SLC28A1: variants seen among roughly 807,000 people sequenced by gnomAD.
The protein encoded by SLC28A1 is solute carrier family 28 member 1.
In SLC28A1, 64 loss-of-function variants were observed where a neutral mutation model predicts 74.8. The ratio of observed to expected loss-of-function variants is 0.86; its 90% CI spans 0.70 to 1.05. The LOEUF is 1.05. Ranked by LOEUF, SLC28A1 falls within the 50% of genes least tolerant of loss-of-function variation. The probability of loss-of-function intolerance (pLI) is 0.00; values close to 1 mark genes in which losing one functional copy is unlikely to be tolerated. For synonymous variants in SLC28A1, 359 were observed against 335.0 expected, an observed-to-expected ratio of 1.07 and a Z score of -0.78; for missense variants, 828 against 822.8, an observed-to-expected ratio of 1.01 and a Z score of -0.08.
At chr15:84,924,733 C>T (rs189533643) in intron 12 of SLC28A1, among the ~76,000 whole-genome samples, 184 of 152,346 alleles carry the variant, frequency 1.2e-3, no homozygotes, top group African/African-American at 4.4e-3. Context: ...ATTCATAAAA[C>T]ACCTTATGCT....
chr15:84,900,299 C>T (rs1157281494), intron 6 of SLC28A1, among the ~76,000 whole-genome samples: 1 of 150,310 alleles, frequency 6.7e-6, no homozygotes, highest in African/African-American at 2.5e-5. Context: ...CACTGCACTC[C>T]AGCCTGGGAG....
At chr15:84,912,686 G>T (rs974608772) in intron 9 of SLC28A1, among the ~76,000 whole-genome samples, 2 of 152,126 alleles carry the variant, frequency 1.3e-5, no homozygotes, top group African/African-American at 4.8e-5. Context: ...GTGCTGCTCA[G>T]ATTTTCTCTG....
At chr15:84,951,303 G>A in the SLC28A1 span, among the ~76,000 whole-genome samples, 1 of 152,040 alleles carries the variant, frequency 6.6e-6, no homozygotes, top group East Asian at 1.9e-4. Context: ...TGGGAATGGT[G>A]GTGGGCACCT....
At chr15:84,904,039 T>A in intron 6 of SLC28A1, 58 bp from the exon 7 acceptor site, 1 of 1,611,712 alleles carries the variant, frequency 6.2e-7, no homozygotes, top group Non-Finnish European at 8.5e-7. Flanking sequence ...TGCTATTGTG[T>A]GTGGGTGGGG....
At chr15:84,944,901 C>A in intron 18 of SLC28A1, 34 bp downstream of exon 18, 1 of 1,447,466 alleles carries the variant, frequency 6.9e-7, no homozygotes, top group Non-Finnish European at 9.7e-7. Context: ...TGCAGGGCAC[C>A]CACAGTGATA....
At chr15:84,925,300 T>C (rs1340492529) in intron 12 of SLC28A1, among the ~76,000 whole-genome samples, 1 of 151,922 alleles carries the variant, frequency 6.6e-6, no homozygotes, top group African/African-American at 2.4e-5. Context: ...ACCTGCGAAC[T>C]TGTTAGAAAT....
At chr15:84,922,275 G>A (rs989043198) in intron 11 of SLC28A1, among the ~76,000 whole-genome samples, 7 of 152,120 alleles carry the variant, frequency 4.6e-5, no homozygotes, top group South Asian at 2.1e-4. Context: ...CCCCTTGACC[G>A]TCCACTTGGA....
At chr15:84,920,899 A>T in intron 10 of SLC28A1, 90 bp from the exon 11 acceptor site, 3 of 1,004,662 alleles carry the variant, frequency 3.0e-6, no homozygotes, top group Non-Finnish European at 4.8e-6. Flanking sequence ...GGGAGTTGGG[A>T]GGAAACTGTG....
the SLC28A1 span, among the ~76,000 whole-genome samples, chr15:84,966,347 G>A: frequency 1.3e-5 from 2 of 152,136 alleles, no homozygotes; most frequent in Admixed American, 1.3e-4. Context: ...GATTACAGGT[G>A]TGAGCCACTG....
chr15:84,940,968 G>C, intron 15 of SLC28A1: 1 of 153,572 alleles, frequency 6.5e-6, no homozygotes, highest in Non-Finnish European at 1.5e-5. Flanking sequence ...TTTCTTTTCT[G>C]TTTAGTTGAC....
At chr15:84,966,097 A>G in the SLC28A1 span, among the ~76,000 whole-genome samples, 4,209 of 152,216 alleles carry the variant, frequency 0.028, 335 homozygotes, top group Admixed American at 0.16. Flanking sequence ...TTTATTTTTG[A>G]GACAGAGTCT....
At chr15:84,890,742 G>A (rs943508041) in intron 5 of SLC28A1, among the ~76,000 whole-genome samples, 3 of 152,282 alleles carry the variant, frequency 2.0e-5, no homozygotes, top group South Asian at 2.1e-4. Flanking sequence ...TAAGGGAGGC[G>A]GAAGAAATAG....
chr15:84,925,556 C>T (rs1443572800), intron 12 of SLC28A1, among the ~76,000 whole-genome samples: 3 of 152,088 alleles, frequency 2.0e-5, no homozygotes, highest in African/African-American at 7.2e-5. Flanking sequence ...ACTGAGATCG[C>T]ACCACTGCAC....
At chr15:84,946,106 ATATATATTTTTT>A (rs1315313347), downstream of SLC28A1, among the ~76,000 whole-genome samples, 2 of 11,358 alleles carry the variant, frequency 1.8e-4, no homozygotes, top group East Asian at 2.5e-3. Context: ...ATATATATAT[ATATATATTTTTT>A]TTTTTTTTTT....
At chr15:84,955,735 A>G in the SLC28A1 span, among the ~76,000 whole-genome samples, 2 of 152,200 alleles carry the variant, frequency 1.3e-5, no homozygotes, top group African/African-American at 4.8e-5. Flanking sequence ...GAAGGAGGAT[A>G]GAATCTGAAA....
chr15:84,894,980 C>G lies in SLC28A1; in HGVS notation c.318C>G (p.Phe106Leu). The G allele has an allele frequency of 6.2e-7, 1 of 1,614,184 alleles. No homozygotes were observed. Among genetic ancestry groups the G allele is most frequent in the Non-Finnish European group, 8.5e-7 (1 of 1,180,034 alleles). The change falls in exon 6 of 19, where the codon TTC (phenylalanine) becomes TTG (leucine). Residue 106 changes from phenylalanine to leucine, a missense_variant. By Grantham distance (22) the Phe-to-Leu change is conservative. This residue lies in a region of SLC28A1 where 767 missense variants were observed against 753.5 expected (regional missense o/e 1.02). Transcript: ENST00000394573. ...TGCTGGTGGCCTGCCTCCTGGATTT[C>G]CAGAGGGCCCTGGCTCTGTTTGTCC... Reference protein sequence around the residue: ...AFLLVACLLDFQRALALFVLT... With the variant: ...AFLLVACLLDLQRALALFVLT...
At chr15:84,940,664 C>G (rs2142041955) in intron 15 of SLC28A1, 1 of 155,172 alleles carries the variant, frequency 6.4e-6, no homozygotes, top group Middle Eastern at 3.3e-3. Flanking sequence ...AGCAATATCC[C>G]TTTTGTATTT....
rs547774432 is a variant in SLC28A1 at position 84,936,136 on chromosome 15, T to TA, written c.1581+619dup. On this transcript the variant is annotated intron_variant, in intron 15 of 18. Transcript: ENST00000394573. ...GCGCCCGGCTAATTTTTTGTATTTT[T>TA]AGTAGAGACGGGGTTTCATCGTGGT... is the stretch of plus-strand genomic sequence containing the variant. 2.8e-4 allele frequency among the ~76,000 whole-genome samples: 42 copies of TA among 151,224 alleles called. No individual in the cohort carries two copies. In the East Asian group the frequency reaches 7.4e-3, roughly 27 times the overall value.
In SLC28A1 at chr15:84,915,099, A is replaced by G. The variant is rs535558017; in HGVS notation, c.796-3425A>G. Among the ~76,000 whole-genome samples the G allele has an allele frequency of 2.0e-5, 3 of 152,242 alleles. No homozygotes were observed. In the South Asian group the frequency reaches 6.2e-4, roughly 32 times the overall value. The stretch of plus-strand genomic sequence containing the variant: ...CCACTGGACAAGCAGTCTAGACAGT[A>G]CGTGACTCTCTCTGCATCTCAGTCC... On this transcript the variant is annotated intron_variant, in intron 9 of 18. Coordinates refer to ENST00000394573, the MANE Select transcript of SLC28A1 (RefSeq NM_004213.5).
Sources: gnomAD v4.1 joint callset for allele counts (sites outside exome capture counted in the v4.1 genomes callset) on GRCh38, gnomAD v4.1.1 for gene constraint, gnomAD v4.1.1 regional missense constraint, MANE v1.5 for transcripts, NCBI Gene and HGNC (gene_info 2026-07-23, HGNC 2026-07-21) for gene names.